Variants in PIP5K1B observed in about 807,000 individuals in gnomAD.
PIP5K1B encodes phosphatidylinositol 4-phosphate 5-kinase type-1 beta.
In PIP5K1B, 42 loss-of-function variants were observed where a neutral mutation model predicts 67.0. That is an observed-to-expected ratio of 0.63 (90% CI 0.49 to 0.81). The LOEUF (loss-of-function observed/expected upper bound fraction) is 0.81. Ranked by LOEUF, PIP5K1B falls within the 30% of genes least tolerant of loss-of-function variation. The probability of loss-of-function intolerance (pLI) is 0.00; values close to 1 mark genes in which losing one functional copy is unlikely to be tolerated. For missense variants in PIP5K1B, 459 were observed against 646.3 expected (o/e 0.71, Z 3.14); for synonymous variants, 214 against 231.4 (o/e 0.92, Z 0.68).
chr9:68,842,838 T>C (rs756857975), intron 4 of PIP5K1B, among the ~76,000 whole-genome samples: 1 of 152,228 alleles, frequency 6.6e-6, no homozygotes, highest in African/African-American at 2.4e-5. Flanking sequence ...CAGGAATTTA[T>C]GACTTATCTG....
At chr9:68,847,626 C>T (rs1442665874) in intron 4 of PIP5K1B, among the ~76,000 whole-genome samples, 1 of 151,988 alleles carries the variant, frequency 6.6e-6, no homozygotes, top group African/African-American at 2.4e-5. Flanking sequence ...TATAGTGAAA[C>T]CTTTCCACTT....
At chr9:68,948,139 G>C (rs1171081310) in intron 14 of PIP5K1B, among the ~76,000 whole-genome samples, 1 of 152,214 alleles carries the variant, frequency 6.6e-6, no homozygotes, top group Non-Finnish European at 1.5e-5. Context: ...AAAGGATTTA[G>C]TCACCTTTTC....
intron 2 of PIP5K1B, among the ~76,000 whole-genome samples, chr9:68,811,245 T>A (rs1472542729): frequency 6.6e-6 from 1 of 152,182 alleles, no homozygotes; most frequent in Non-Finnish European, 1.5e-5. Flanking sequence ...CCCTACTGCT[T>A]TCCCACTTTC....
At chr9:68,736,062 C>T (rs1054988530) in intron 1 of PIP5K1B, among the ~76,000 whole-genome samples, 5 of 152,112 alleles carry the variant, frequency 3.3e-5, no homozygotes, top group Admixed American at 2.0e-4. Flanking sequence ...GATGGAATCA[C>T]GGAAAGCGCA....
chr9:68,839,834 A>G (rs955944912), intron 4 of PIP5K1B, among the ~76,000 whole-genome samples: 1 of 152,190 alleles, frequency 6.6e-6, no homozygotes, highest in Admixed American at 6.5e-5. Flanking sequence ...GGTCGTCTCC[A>G]TTCCAGAGAG....
chr9:68,836,013 A>G (rs1220017899), intron 4 of PIP5K1B, among the ~76,000 whole-genome samples: 1 of 152,040 alleles, frequency 6.6e-6, no homozygotes, highest in Non-Finnish European at 1.5e-5. Context: ...GGGACAATAG[A>G]GTTTTTCTGG....
intron 8 of PIP5K1B, among the ~76,000 whole-genome samples, chr9:68,896,255 G>A (rs1324176753): frequency 6.6e-6 from 1 of 151,530 alleles, no homozygotes; most frequent in Non-Finnish European, 1.5e-5. Context: ...AGCCTCTCCA[G>A]TTTTAAGTTT....
At chr9:68,711,731 C>A (rs527428520) in intron 1 of PIP5K1B, among the ~76,000 whole-genome samples, 52 of 152,022 alleles carry the variant, frequency 3.4e-4, no homozygotes, top group African/African-American at 1.2e-3. Flanking sequence ...ACCAAAATGC[C>A]TAGGAATAAT....
intron 3 of PIP5K1B, among the ~76,000 whole-genome samples, chr9:68,818,803 A>G (rs1285770079): frequency 6.6e-6 from 1 of 152,200 alleles, no homozygotes; most frequent in African/African-American, 2.4e-5. Flanking sequence ...AAATTTTTAA[A>G]TAGTATTTTC....
intron 14 of PIP5K1B, among the ~76,000 whole-genome samples, chr9:68,950,276 G>T (rs1827995060): frequency 6.6e-6 from 1 of 152,132 alleles, no homozygotes; most frequent in Non-Finnish European, 1.5e-5. Flanking sequence ...TTTGCTTAAA[G>T]GTCAGTTTGG....
At chr9:68,890,677 A>G (rs1824737311) in intron 7 of PIP5K1B, among the ~76,000 whole-genome samples, 1 of 151,792 alleles carries the variant, frequency 6.6e-6, no homozygotes, top group Non-Finnish European at 1.5e-5. Context: ...TTTTGGAGGA[A>G]CAGAAAATAT....
chr9:68,739,008 C>T (rs1828874257), intron 1 of PIP5K1B, among the ~76,000 whole-genome samples: 1 of 152,170 alleles, frequency 6.6e-6, no homozygotes. Flanking sequence ...TGGGGTCCAG[C>T]CTTCAGTTTC....
chr9:68,780,761 T>C, intron 2 of PIP5K1B: 1 of 1,614,226 alleles, frequency 6.2e-7, no homozygotes, highest in South Asian at 1.1e-5. Flanking sequence ...CAAGTGTTCT[T>C]GGACCATTGA....
chr9:68,731,014 C>T (rs939462344), intron 1 of PIP5K1B, among the ~76,000 whole-genome samples: 2 of 152,216 alleles, frequency 1.3e-5, no homozygotes, highest in African/African-American at 4.8e-5. Flanking sequence ...CAATCATTAA[C>T]CAGTAAACAG....
intron 4 of PIP5K1B, among the ~76,000 whole-genome samples, chr9:68,842,130 C>G (rs1039364166): frequency 3.3e-5 from 5 of 152,204 alleles, no homozygotes; most frequent in African/African-American, 1.2e-4. Flanking sequence ...GGGCATTTCT[C>G]ATGCTTGGAT....
chr9:68,725,335 AT>A (rs1469246330), intron 1 of PIP5K1B, among the ~76,000 whole-genome samples: 1 of 152,068 alleles, frequency 6.6e-6, no homozygotes, highest in African/African-American at 2.4e-5. Flanking sequence ...CTATTTGTGC[AT>A]TTTTTCTTTT....
At chr9:68,921,893 GCTTTT>G (rs985004749) in intron 11 of PIP5K1B, among the ~76,000 whole-genome samples, 4 of 152,088 alleles carry the variant, frequency 2.6e-5, no homozygotes, top group Admixed American at 6.6e-5. Context: ...CCTATCATCT[GCTTTT>G]CTTTTCTTTT....
At chr9:68,953,342 A>T (rs1828193565) in intron 14 of PIP5K1B, among the ~76,000 whole-genome samples, 1 of 150,610 alleles carries the variant, frequency 6.6e-6, no homozygotes, top group Non-Finnish European at 1.5e-5. Flanking sequence ...TTTCCTGAAG[A>T]TATTAGGATT....
At chr9:68,957,869 CTTTTCT>C (rs1828483061) in intron 14 of PIP5K1B, among the ~76,000 whole-genome samples, 2 of 142,468 alleles carry the variant, frequency 1.4e-5, no homozygotes, top group African/African-American at 2.7e-5. Flanking sequence ...TACCTGTTTT[CTTTTCT>C]TTTTTTTTTT....
Sources: gnomAD v4.1 joint callset for allele counts (sites outside exome capture counted in the v4.1 genomes callset) on GRCh38, gnomAD v4.1.1 for gene constraint, MANE v1.5 for transcripts, NCBI Gene and HGNC (gene_info 2026-07-23, HGNC 2026-07-21) for gene names.